The following DPP6 variants were observed in gnomAD, a reference collection of about 807,000 sequenced individuals.
DPP6 encodes the protein A-type potassium channel modulatory protein DPP6.
Under a neutral mutation model 122.6 loss-of-function variants are expected in DPP6, and 69 were observed. That is an observed-to-expected ratio of 0.56 (90% CI 0.46 to 0.69). The LOEUF (loss-of-function observed/expected upper bound fraction) is 0.69. Ranked by LOEUF, DPP6 falls within the 30% of genes least tolerant of loss-of-function variation. The probability of loss-of-function intolerance (pLI) is 0.00; values close to 1 mark genes in which losing one functional copy is unlikely to be tolerated. For synonymous variants in DPP6, 418 were observed against 433.1 expected (o/e 0.97, Z 0.43); for missense variants, 928 against 1,116.9 (o/e 0.83, Z 2.41).
At chr7:153,980,095 T>C (rs537219033) in intron 1 of DPP6, among the ~76,000 whole-genome samples, 1 of 152,136 alleles carries the variant, frequency 6.6e-6, no homozygotes. Flanking sequence ...TTTTCTATTG[T>C]TTGGAATAGT....
chr7:154,063,439 A>AG (rs375848331), intron 1 of DPP6, among the ~76,000 whole-genome samples: 46 of 89,092 alleles, frequency 5.2e-4, no homozygotes, highest in Middle Eastern at 9.4e-3. Context: ...CCCCATCGCA[A>AG]GGGGGGGAGG....
intron 1 of DPP6, among the ~76,000 whole-genome samples, chr7:153,891,541 T>C (rs1799204890): frequency 6.6e-6 from 1 of 152,218 alleles, no homozygotes; most frequent in South Asian, 2.1e-4. Flanking sequence ...TGATGTGCAC[T>C]TTTTCAACCT....
chr7:154,769,603 T>C (rs751656633), intron 9 of DPP6, 32 bp downstream of exon 9: 4 of 1,535,170 alleles, frequency 2.6e-6, no homozygotes, highest in Non-Finnish European at 3.5e-6. Flanking sequence ...AGCAAATTCT[T>C]TATATTATTC....
intron 1 of DPP6, among the ~76,000 whole-genome samples, chr7:153,931,385 T>C (rs1801163250): frequency 6.6e-6 from 1 of 152,202 alleles, no homozygotes; most frequent in Non-Finnish European, 1.5e-5. Flanking sequence ...GTCTTAGCAC[T>C]AAGGCAGCTC....
intron 1 of DPP6, among the ~76,000 whole-genome samples, chr7:153,993,208 C>T (rs897445577): frequency 2.6e-5 from 4 of 152,126 alleles, no homozygotes; most frequent in Non-Finnish European, 4.4e-5. Context: ...ATATCAGGGC[C>T]TGTAACCTAG....
chr7:154,289,097 C>T (rs1489986167), intron 1 of DPP6, among the ~76,000 whole-genome samples: 1 of 151,860 alleles, frequency 6.6e-6, no homozygotes, highest in Non-Finnish European at 1.5e-5. Flanking sequence ...TAAACGGAAG[C>T]TGATGAAAGA....
chr7:154,841,063 CT>C (rs1801490096), intron 16 of DPP6, among the ~76,000 whole-genome samples: 1 of 152,176 alleles, frequency 6.6e-6, no homozygotes, highest in African/African-American at 2.4e-5. Flanking sequence ...CAAATCAGAA[CT>C]TAATTGCTCG....
At chr7:154,252,831 T>A (rs1802434197) in intron 1 of DPP6, among the ~76,000 whole-genome samples, 1 of 152,014 alleles carries the variant, frequency 6.6e-6, no homozygotes. Flanking sequence ...GTTCTTGAGA[T>A]CCATCTGTCC....
At chr7:154,561,702 C>A (rs1830436821) in intron 4 of DPP6, among the ~76,000 whole-genome samples, 1 of 151,944 alleles carries the variant, frequency 6.6e-6, no homozygotes, top group African/African-American at 2.4e-5. Context: ...GAGCAGAAAT[C>A]AACTACACAG....
In DPP6 at chr7:154,564,355, G is replaced by A. The variant is rs77055027; in HGVS notation, c.553-2487G>A. On this transcript the variant is annotated intron_variant, in intron 4 of 25. Transcript: ENST00000377770. ...ACATTGTCTAAAACGTGGATAGTAA[G>A]GATCAAATGTATCCATAAGCAGGGA... 1.4e-4 allele frequency among the ~76,000 whole-genome samples: 21 copies of A among 152,182 alleles called. No individual in the cohort carries two copies. The East Asian group carries it at 4.1e-3, about 29-fold the overall frequency.
At chr7:154,651,979 A>G (rs182433641) in intron 6 of DPP6, among the ~76,000 whole-genome samples, 178 of 152,334 alleles carry the variant, frequency 1.2e-3, no homozygotes, top group African/African-American at 3.5e-3. Context: ...TAAGATCAAC[A>G]TGAAAGGTCT....
chr7:153,864,446 T>C, the DPP6 span, among the ~76,000 whole-genome samples: 2 of 151,888 alleles, frequency 1.3e-5, no homozygotes, highest in Non-Finnish European at 2.9e-5. Flanking sequence ...CCTGAGGTCA[T>C]GAGTTCAAGA....
intron 16 of DPP6, among the ~76,000 whole-genome samples, chr7:154,848,993 G>A (rs1390354474): frequency 1.3e-5 from 2 of 152,126 alleles, no homozygotes; most frequent in Non-Finnish European, 2.9e-5. Flanking sequence ...TTATTTCTGG[G>A]CTCTCTATCC....
At chr7:154,026,329 C>T (rs1306865172) in intron 1 of DPP6, 1 of 151,680 alleles carries the variant, frequency 6.6e-6, no homozygotes, top group Non-Finnish European at 1.5e-5. Flanking sequence ...TTATTTTATT[C>T]TGATTTGAAC....
At chr7:154,774,561 C>T (rs1268099548) in intron 10 of DPP6, among the ~76,000 whole-genome samples, 4 of 152,228 alleles carry the variant, frequency 2.6e-5, no homozygotes, top group Non-Finnish European at 1.5e-5. Context: ...TGCTGGGCTT[C>T]AGGTTTTCTG....
intron 8 of DPP6, among the ~76,000 whole-genome samples, chr7:154,748,707 T>C (rs183615061): frequency 9.9e-5 from 15 of 152,044 alleles, no homozygotes; most frequent in Admixed American, 9.8e-4. Flanking sequence ...CCCTTCACAG[T>C]GGAGGGTGTG....
chr7:154,268,407 AT>A (rs1340131826), intron 1 of DPP6, among the ~76,000 whole-genome samples: 1 of 152,226 alleles, frequency 6.6e-6, no homozygotes, highest in Non-Finnish European at 1.5e-5. Flanking sequence ...CCCGTTCCTC[AT>A]TGACAGTCAT....
At chr7:154,007,090 G>GGTGGGTCACA (rs1482808797) in intron 1 of DPP6, among the ~76,000 whole-genome samples, 7 of 152,232 alleles carry the variant, frequency 4.6e-5, no homozygotes, top group Admixed American at 6.5e-5. Flanking sequence ...CACCTGGACA[G>GGTGGGTCACA]CACCCTTCTG....
intron 3 of DPP6, among the ~76,000 whole-genome samples, chr7:154,493,262 T>C (rs1051313827): frequency 6.6e-6 from 1 of 152,206 alleles, no homozygotes. Flanking sequence ...CTTTAGTAAA[T>C]GAATTATACG....
Sources: allele counts gnomAD v4.1 joint callset (sites outside exome capture counted in the v4.1 genomes callset), GRCh38; gene constraint gnomAD v4.1.1; transcripts MANE v1.5; gene names NCBI Gene and HGNC (gene_info 2026-07-23, HGNC 2026-07-21).